ARHGEF3: variants seen among roughly 807,000 people sequenced by gnomAD.
ARHGEF3 encodes the protein Rho guanine nucleotide exchange factor 3.
Under a neutral mutation model 63.2 loss-of-function variants are expected in ARHGEF3, and 28 were observed. The ratio of observed to expected loss-of-function variants is 0.44; its 90% confidence interval spans 0.33 to 0.61. The LOEUF (loss-of-function observed/expected upper bound fraction) is 0.61, where lower values mean the gene tolerates loss of function less well. Ranked by LOEUF, ARHGEF3 falls within the 20% of genes least tolerant of loss-of-function variation. The pLI, the probability that ARHGEF3 is intolerant of heterozygous loss-of-function variation, is 0.03. For missense variants in ARHGEF3, 533 were observed against 659.3 expected (o/e 0.81, Z 2.10); for synonymous variants, 266 against 254.2 (o/e 1.05, Z -0.44).
At chr3:57,071,703 C>G (rs1442118634) in intron 1 of ARHGEF3, among the ~76,000 whole-genome samples, 2 of 151,424 alleles carry the variant, frequency 1.3e-5, no homozygotes, top group Non-Finnish European at 2.9e-5. Context: ...GTTTTCATGA[C>G]CTTGCATCAG....
At chr3:56,977,100 G>A (rs1701153510) in intron 2 of ARHGEF3, among the ~76,000 whole-genome samples, 1 of 152,124 alleles carries the variant, frequency 6.6e-6, no homozygotes. Context: ...GGCACTGAGA[G>A]CTTAGATTTA....
intron 4 of ARHGEF3, among the ~76,000 whole-genome samples, chr3:56,866,705 C>A (rs1230077820): frequency 6.6e-6 from 1 of 152,198 alleles, no homozygotes; most frequent in Non-Finnish European, 1.5e-5. Flanking sequence ...GATAAACAAG[C>A]AATGTATGTT....
rs1241842198 is a variant in ARHGEF3, at chr3:56,902,504, CATCCTTTTTAGTCTGAG to C, written c.130-20167_130-20151del. ...CCACAGAACTGTACCCCTCTCCCTACATCCTTTTTAGTCTGAGAGACACAAAGATACTTCAGGCAGGA... is the reference window on the plus strand; with the variant it reads ...CCACAGAACTGTACCCCTCTCCCTACAGACACAAAGATACTTCAGGCAGGA... On this transcript the variant is annotated intron_variant, in intron 3 of 12. Coordinates refer to the ARHGEF3 transcript ENST00000338458. Among the ~76,000 whole-genome samples the C allele has an allele frequency of 5.9e-5, 9 of 152,342 alleles. No homozygotes were observed. The East Asian group carries it at 1.7e-3, about 29-fold the overall frequency.
chr3:56,786,290 C>G (rs10428221), intron 1 of ARHGEF3, among the ~76,000 whole-genome samples: 34,395 of 152,146 alleles, frequency 0.23, 5,895 homozygotes, highest in African/African-American at 0.48. Context: ...CAGCTGACAT[C>G]TTACCACTCA....
chr3:57,078,467 G>A (rs1706316280), intron 1 of ARHGEF3: 1 of 152,268 alleles, frequency 6.6e-6, no homozygotes, highest in African/African-American at 2.4e-5. Context: ...TAGTGCAAGA[G>A]CAGCTCTCCA....
At chr3:57,033,361 G>A (rs1703810504) in intron 2 of ARHGEF3, among the ~76,000 whole-genome samples, 1 of 151,386 alleles carries the variant, frequency 6.6e-6, no homozygotes, top group Non-Finnish European at 1.5e-5. Context: ...CAGGGAAATG[G>A]CCCAATAAAC....
chr3:56,921,267 G>A (rs904707989), intron 3 of ARHGEF3, among the ~76,000 whole-genome samples: 13 of 151,410 alleles, frequency 8.6e-5, no homozygotes, highest in South Asian at 4.2e-4. Flanking sequence ...GATGGTAGCC[G>A]TGACCAAATT....
At chr3:56,799,293 C>T (rs985998774) in intron 1 of ARHGEF3, among the ~76,000 whole-genome samples, 2 of 152,198 alleles carry the variant, frequency 1.3e-5, no homozygotes, top group African/African-American at 4.8e-5. Context: ...GAAGGCACTT[C>T]CCAGTGCCAT....
chr3:56,806,110 C>A (rs539435789), upstream of ARHGEF3, among the ~76,000 whole-genome samples: 6 of 152,210 alleles, frequency 3.9e-5, no homozygotes, highest in African/African-American at 1.4e-4. Context: ...GTATTTCTGA[C>A]CTCATGCAAT....
rs114144844 is a variant in ARHGEF3 at position 57,018,632 on chromosome 3, T to C, written c.62+16456A>G. On this transcript the variant is annotated intron_variant, in intron 2 of 12. Coordinates refer to the ARHGEF3 transcript ENST00000338458. ...AACTAATTTATAATGATTAAAGTTA[T>C]GCTAAAGTGTTCACATTTGGGGGAG... 3.2e-3 allele frequency among the ~76,000 whole-genome samples: 483 copies of C among 152,338 alleles called. 4 individuals are homozygous for C. The highest frequency in any genetic ancestry group is 0.011 in the African/African-American group (462 of 41,564).
intron 7 of ARHGEF3, among the ~76,000 whole-genome samples, chr3:56,744,715 C>G (rs2034270974): frequency 6.6e-6 from 1 of 152,038 alleles, no homozygotes; most frequent in South Asian, 2.1e-4. Context: ...CCACACTCAA[C>G]AAACATTTGC....
intron 9 of ARHGEF3, 87 bp downstream of exon 9, chr3:56,732,151 G>A: frequency 6.7e-7 from 1 of 1,495,398 alleles, no homozygotes; most frequent in Non-Finnish European, 9.2e-7. Flanking sequence ...CAAGACCGTG[G>A]CTTTTCTCTT....
chr3:56,855,767 C>T (rs746315706), intron 4 of ARHGEF3, among the ~76,000 whole-genome samples: 3 of 151,964 alleles, frequency 2.0e-5, no homozygotes, highest in Non-Finnish European at 2.9e-5. Flanking sequence ...CATACAACTA[C>T]GACACTAAAG....
At chr3:56,803,024 A>C (rs558813056), upstream of ARHGEF3, among the ~76,000 whole-genome samples, 3 of 142,090 alleles carry the variant, frequency 2.1e-5, no homozygotes, top group South Asian at 4.4e-4. Context: ...ATTTGTGTTA[A>C]AAAAAAATAC....
chr3:56,846,067 T>C (rs11716680), intron 4 of ARHGEF3, among the ~76,000 whole-genome samples: 1 of 152,138 alleles, frequency 6.6e-6, no homozygotes, highest in Non-Finnish European at 1.5e-5. Context: ...TGGTAACCCA[T>C]GCTATTGAAA....
At position 56,973,268 on chromosome 3, in the gene ARHGEF3, C is replaced by T. The variant is rs534274894; in HGVS notation, c.63-14379G>A. Among the ~76,000 whole-genome samples, 28 of 152,252 alleles carry T rather than the reference C, an allele frequency of 1.8e-4. 1 individual carries two copies. In the South Asian group the frequency reaches 2.9e-3, roughly 16 times the overall value. On this transcript the variant is annotated intron_variant, in intron 2 of 12. Coordinates refer to the ARHGEF3 transcript ENST00000338458. Reference sequence around the variant, plus strand: ...TCCTGACCTCGTGATCCGCGCGCCTCGGCCTCCCAAAGTGCTGGGATTACA... The same window carrying T: ...TCCTGACCTCGTGATCCGCGCGCCTTGGCCTCCCAAAGTGCTGGGATTACA...
At chr3:56,990,027 T>C (rs1235596211) in intron 2 of ARHGEF3, among the ~76,000 whole-genome samples, 2 of 152,200 alleles carry the variant, frequency 1.3e-5, no homozygotes, top group Non-Finnish European at 1.5e-5. Flanking sequence ...ACAATGACGC[T>C]ACCCAGCTTC....
chr3:56,735,237 T>C (rs1248453955), intron 8 of ARHGEF3, among the ~76,000 whole-genome samples: 2 of 152,168 alleles, frequency 1.3e-5, no homozygotes, highest in African/African-American at 4.8e-5. Context: ...TGAGCCAAGA[T>C]CGTGCCACTG....
intron 2 of ARHGEF3, among the ~76,000 whole-genome samples, chr3:57,023,617 G>A (rs1703349349): frequency 1.3e-5 from 2 of 152,266 alleles, no homozygotes; most frequent in African/African-American, 4.8e-5. Context: ...GGACTCCCAG[G>A]CCCCTGCCAT....
Sources: allele counts gnomAD v4.1 joint callset (sites outside exome capture counted in the v4.1 genomes callset), GRCh38; gene constraint gnomAD v4.1.1; transcripts MANE v1.5; gene names NCBI Gene and HGNC (gene_info 2026-07-23, HGNC 2026-07-21).